MTNR1B: variants seen among roughly 807,000 people sequenced by gnomAD.
MTNR1B encodes the protein melatonin receptor type 1B.
Under a neutral mutation model 7.0 loss-of-function variants are expected in MTNR1B, and 7 were observed. That is an observed-to-expected ratio of 1.00 (90% confidence interval 0.57 to 1.88). The LOEUF (loss-of-function observed/expected upper bound fraction) is 1.88. Ranked by LOEUF, MTNR1B falls within the 40% of genes most tolerant of loss-of-function variation. The probability of loss-of-function intolerance (pLI) is 0.00; values close to 1 mark genes in which losing one functional copy is unlikely to be tolerated. For missense variants in MTNR1B, 478 were observed against 486.5 expected (o/e 0.98, Z 0.16); for synonymous variants, 226 against 208.2 (o/e 1.09, Z -0.74).
intron 1 of MTNR1B, among the ~76,000 whole-genome samples, chr11:92,979,677 C>G (rs1858066352): frequency 6.6e-6 from 1 of 152,132 alleles, no homozygotes; most frequent in African/African-American, 2.4e-5. Context: ...CCTAACCTAG[C>G]TGTGGACACA....
chr11:92,974,625 A>G (rs1444309163), intron 1 of MTNR1B, among the ~76,000 whole-genome samples: 1 of 149,814 alleles, frequency 6.7e-6, no homozygotes, highest in Non-Finnish European at 1.5e-5. Flanking sequence ...TTTTTCTGAG[A>G]CAGAGTCTTG....
In MTNR1B at chr11:92,982,129, C is replaced by G. The variant is rs1045361557; in HGVS notation, c.906C>G (p.Cys302Trp). 6.2e-7 allele frequency: 1 copy of G among 1,614,216 alleles called. No individual in the cohort carries two copies. Among genetic ancestry groups the G allele is most frequent in the Non-Finnish European group, 8.5e-7 (1 of 1,180,038 alleles). ...TSYLLAYFNSCLNAIVYGLLN... is the reference protein window; with the variant it reads ...TSYLLAYFNSWLNAIVYGLLN... ...ACTTACTGGCTTATTTCAACAGCTG[C>G]CTGAATGCCATTGTCTATGGGCTCT... is the stretch of plus-strand genomic sequence containing the variant. The change falls in exon 2 of 2, where the codon TGC becomes TGG. Residue 302 changes from cysteine to tryptophan, a missense_variant. By Grantham distance (215) the Cys-to-Trp change is radical (BLOSUM62 -2). Transcript: ENST00000257068.
intron 1 of MTNR1B, among the ~76,000 whole-genome samples, chr11:92,975,925 A>G: frequency 6.6e-6 from 1 of 152,100 alleles, no homozygotes; most frequent in East Asian, 1.9e-4. Context: ...CCCAAGACCA[A>G]ACTGGGTAAC....
intron 1 of MTNR1B, among the ~76,000 whole-genome samples, chr11:92,973,380 C>A (rs904836138): frequency 2.0e-5 from 3 of 152,124 alleles, no homozygotes; most frequent in Non-Finnish European, 4.4e-5. Context: ...CAAGAGTTTC[C>A]CTGTCTTCAG....
rs373501373 is a variant in MTNR1B, at chr11:92,981,914, C to A, written c.691C>A (p.Arg231Ser). 6.2e-7 allele frequency: 1 copy of A among 1,614,068 alleles called. No individual in the cohort carries two copies. Among genetic ancestry groups the A allele is most frequent in the Non-Finnish European group, 8.5e-7 (1 of 1,180,048 alleles). Reference protein sequence around the residue: ...LRIWVLVLQARRKAKPESRLC... With the variant: ...LRIWVLVLQASRKAKPESRLC... Reference sequence around the variant, plus strand: ...CATCTGGGTGCTGGTGCTTCAGGCCCGCAGGAAAGCCAAGCCAGAGAGCAG... The same window carrying A: ...CATCTGGGTGCTGGTGCTTCAGGCCAGCAGGAAAGCCAAGCCAGAGAGCAG... The change falls in exon 2 of 2, where the codon CGC becomes AGC. Residue 231 changes from arginine (R) to serine (S), a missense_variant. Transcript: ENST00000257068.
intron 1 of MTNR1B, among the ~76,000 whole-genome samples, chr11:92,974,751 C>T (rs990276305): frequency 1.3e-5 from 2 of 152,062 alleles, no homozygotes; most frequent in African/African-American, 2.4e-5. Flanking sequence ...TACAGGCGAC[C>T]GCCACCTCGC....
chr11:92,972,473 TG>T, intron 1 of MTNR1B: 1 of 456,134 alleles, frequency 2.2e-6, no homozygotes, highest in South Asian at 1.5e-5. Context: ...ATATCCTATC[TG>T]TAGTGTCTGT....
chr11:92,978,861 G>T (rs1384728088), intron 1 of MTNR1B, among the ~76,000 whole-genome samples: 1 of 152,308 alleles, frequency 6.6e-6, no homozygotes, highest in East Asian at 1.9e-4. Flanking sequence ...AGCAGAACTT[G>T]ACTCTGCCTT....
At chr11:92,980,379 G>A (rs1858081516) in intron 1 of MTNR1B, among the ~76,000 whole-genome samples, 2 of 152,204 alleles carry the variant, frequency 1.3e-5, no homozygotes, top group African/African-American at 4.8e-5. Flanking sequence ...TGAGAAGATT[G>A]GCATTAGTGA....
intron 1 of MTNR1B, chr11:92,972,446 T>C (rs1857945120): frequency 6.6e-6 from 3 of 456,088 alleles, no homozygotes; most frequent in Middle Eastern, 3.3e-4. Flanking sequence ...AGATTAATTG[T>C]CTTTTTTTTT....
intron 1 of MTNR1B, among the ~76,000 whole-genome samples, chr11:92,980,527 T>C (rs7130424): frequency 0.097 from 14,812 of 152,284 alleles, 1,645 homozygotes; most frequent in African/African-American, 0.27. Context: ...GCCCTGCCTC[T>C]GCCCTGGGAC....
chr11:92,972,490 C>T (rs553820665), intron 1 of MTNR1B: 1 of 455,938 alleles, frequency 2.2e-6, no homozygotes, highest in East Asian at 7.0e-5. Context: ...TCTGTTGCTG[C>T]ATGTGGTGGG....
rs1411995029 is a variant in MTNR1B, at chr11:92,969,885, G to T, written c.160G>T (p.Asp54Tyr). The T allele has an allele frequency of 1.2e-6, 2 of 1,612,382 alleles. No homozygotes were observed. The highest frequency in any genetic ancestry group is 1.7e-6 in the Non-Finnish European group (2 of 1,179,670). ...GGTGCTCATCGTCACCACCGCCGTG[G>T]ACGTCGTGGGCAACCTCCTGGTGAT... Reference protein sequence around the residue: ...SAVLIVTTAVDVVGNLLVILS... With the variant: ...SAVLIVTTAVYVVGNLLVILS... Residue 54 changes from aspartate to tyrosine, a missense_variant, in exon 1 of 2, where the codon GAC (aspartate) becomes TAC (tyrosine). Coordinates refer to ENST00000257068, the MANE Select transcript of MTNR1B (RefSeq NM_005959.5).
intron 1 of MTNR1B, among the ~76,000 whole-genome samples, chr11:92,979,596 A>G (rs1858065324): frequency 6.6e-6 from 1 of 152,210 alleles, no homozygotes. Flanking sequence ...AGGGAAACTC[A>G]CTACCTCACA....
chr11:92,974,743 C>T (rs1423052881), intron 1 of MTNR1B, among the ~76,000 whole-genome samples: 2 of 152,158 alleles, frequency 1.3e-5, no homozygotes, highest in African/African-American at 4.8e-5. Context: ...GCTGGGACTA[C>T]AGGCGACCGC....
intron 1 of MTNR1B, among the ~76,000 whole-genome samples, chr11:92,977,255 C>T (rs1858023641): frequency 1.3e-5 from 2 of 152,076 alleles, no homozygotes; most frequent in African/African-American, 4.8e-5. Flanking sequence ...ATCCACACAT[C>T]CTAAGATTTT....
chr11:92,971,267 A>G lies in MTNR1B; in HGVS notation c.223+1319A>G, dbSNP rs145362255. On this transcript the variant is annotated intron_variant, in intron 1 of 1. Coordinates refer to ENST00000257068, the MANE Select transcript of MTNR1B (RefSeq NM_005959.5). ...TGAGCCACTGCGCCCGGCCAACTCT[A>G]GGATTTTTAGCTAAAAAAACAAACA... Among the ~76,000 whole-genome samples, 268 of 152,236 alleles carry G rather than the reference A, an allele frequency of 1.8e-3. 1 individual carries two copies. The highest frequency in any genetic ancestry group is 2.6e-3 in the Non-Finnish European group (175 of 67,996).
intron 1 of MTNR1B, among the ~76,000 whole-genome samples, chr11:92,980,295 G>A (rs1858080520): frequency 6.6e-6 from 1 of 152,200 alleles, no homozygotes; most frequent in Admixed American, 6.5e-5. Context: ...CATCACTCAG[G>A]GACCCTGCTG....
downstream of MTNR1B, among the ~76,000 whole-genome samples, chr11:92,984,087 G>A (rs1303581513): frequency 2.0e-5 from 3 of 152,142 alleles, no homozygotes; most frequent in Non-Finnish European, 4.4e-5. Context: ...AGTACTGCAT[G>A]TCCACAATGT....
Sources: allele counts gnomAD v4.1 joint callset (sites outside exome capture counted in the v4.1 genomes callset), GRCh38; gene constraint gnomAD v4.1.1; transcripts MANE v1.5; gene names NCBI Gene and HGNC (gene_info 2026-07-23, HGNC 2026-07-21).